Variants in IGF1R observed in about 807,000 individuals in gnomAD.
IGF1R encodes insulin like growth factor 1 receptor.
IGF1R carries 44 observed loss-of-function variants against 144.6 expected under a neutral mutation model. The observed-to-expected ratio is 0.30, with a 90% CI of 0.24 to 0.39. The LOEUF (loss-of-function observed/expected upper bound fraction) is 0.39. IGF1R is among the 10% of genes least tolerant of loss of function. The pLI is 1.00. For missense variants in IGF1R, 1,355 were observed against 1,833.7 expected (o/e 0.74, Z 4.77); for synonymous variants, 795 against 722.8 (o/e 1.10, Z -1.60).
At chr15:98,895,211 G>A (rs1221353755) in intron 3 of IGF1R, among the ~76,000 whole-genome samples, 1 of 142,388 alleles carries the variant, frequency 7.0e-6, no homozygotes, top group East Asian at 2.0e-4. Flanking sequence ...CAAGTGATCA[G>A]TGACACAGCA....
intron 2 of IGF1R, among the ~76,000 whole-genome samples, chr15:98,716,479 A>G (rs1323326606): frequency 6.6e-6 from 1 of 152,228 alleles, no homozygotes; most frequent in East Asian, 1.9e-4. Flanking sequence ...AGGAACCCCA[A>G]GTAGAAACCC....
rs1223564208 is a variant in IGF1R, at chr15:98,704,669, A to T, written c.95-2893A>T. ...CCAAGTACTGTTTTAGGCACTGGTG[A>T]TATAATTGTGAACCAACTGGAGCTG... On this transcript the variant is annotated intron_variant, in intron 1 of 20. Transcript: ENST00000650285. The surrounding 1 kb of genome is among the most constrained non-coding windows in gnomAD (Gnocchi z 4.9). Among the ~76,000 whole-genome samples, 1 of 152,168 alleles carries T rather than the reference A, an allele frequency of 6.6e-6. No homozygotes were observed. The highest frequency in any genetic ancestry group is 1.5e-5 in the Non-Finnish European group (1 of 68,040).
At chr15:98,805,285 C>T (rs1382213179) in intron 2 of IGF1R, among the ~76,000 whole-genome samples, 1 of 152,108 alleles carries the variant, frequency 6.6e-6, no homozygotes, top group Non-Finnish European at 1.5e-5. Flanking sequence ...GTCTTATTCT[C>T]CTCCCCATCC....
At chr15:98,882,013 A>T (rs1381914892) in intron 2 of IGF1R, among the ~76,000 whole-genome samples, 1 of 152,268 alleles carries the variant, frequency 6.6e-6, no homozygotes, top group Admixed American at 6.5e-5. Flanking sequence ...TCAGGTGACT[A>T]GAAGCTCAGA....
At chr15:98,873,916 G>A (rs1030670257) in intron 2 of IGF1R, 2 of 152,228 alleles carry the variant, frequency 1.3e-5, no homozygotes, top group Non-Finnish European at 2.9e-5. Context: ...AGTCTTGGAA[G>A]TAGATAATCT....
At chr15:98,712,610 C>A (rs1009609676) in intron 2 of IGF1R, among the ~76,000 whole-genome samples, 1 of 36,854 alleles carries the variant, frequency 2.7e-5, no homozygotes, top group African/African-American at 1.1e-4. Context: ...TTTCAGTATG[C>A]ACTTTTTTTT....
chr15:98,770,398 A>G lies in IGF1R; in HGVS notation c.640+62291A>G, dbSNP rs115546277. On this transcript the variant is annotated intron_variant, in intron 2 of 20. Coordinates refer to ENST00000650285, the MANE Select transcript of IGF1R (RefSeq NM_000875.5). ...AAACATTCAGTTAGATAGAGGGAAT[A>G]CATTCTAATAGGGTGACTATCGTTA... 2.6e-3 allele frequency among the ~76,000 whole-genome samples: 402 copies of G among 152,340 alleles called. 1 individual carries two copies. The highest frequency in any genetic ancestry group is 9.2e-3 in the African/African-American group (382 of 41,570).
intron 2 of IGF1R, among the ~76,000 whole-genome samples, chr15:98,857,610 T>TG (rs113341137): frequency 2.6e-5 from 4 of 152,368 alleles, no homozygotes; most frequent in African/African-American, 9.6e-5. Flanking sequence ...TCCACCATGA[T>TG]GGACTGTTCT....
intron 2 of IGF1R, among the ~76,000 whole-genome samples, chr15:98,768,923 G>A (rs1226582458): frequency 2.5e-4 from 8 of 32,380 alleles, no homozygotes; most frequent in Non-Finnish European, 2.2e-4. Context: ...GTGAGATTCC[G>A]TCTCAAAAAC....
rs2151683045 is a variant in IGF1R at position 98,916,791 on chromosome 15, G to A, written c.2116G>A (p.Glu706Lys). The A allele has an allele frequency of 6.2e-7, 1 of 1,614,130 alleles. No homozygotes were observed. The highest frequency in any genetic ancestry group is 8.5e-7 in the Non-Finnish European group (1 of 1,180,030). The change falls in exon 10 of 21, where the codon GAA (glutamate) becomes AAA (lysine). Residue 706 changes from glutamate to lysine, a missense_variant. By Grantham distance (56) the Glu-to-Lys change is moderately conservative. Coordinates refer to ENST00000650285, the MANE Select transcript of IGF1R (RefSeq NM_000875.5). ...KGPCCACPKT[E>K]AEKQAEKEEA... is the part of the protein sequence containing the mutation. Reference sequence around the variant, plus strand: ...GCCTTGCTGCGCCTGCCCCAAAACTGAAGCCGAGAAGCAGGCCGAGAAGGA... The same window carrying A: ...GCCTTGCTGCGCCTGCCCCAAAACTAAAGCCGAGAAGCAGGCCGAGAAGGA...
chr15:98,895,265 CACAG>C (rs2014135247), intron 3 of IGF1R, among the ~76,000 whole-genome samples: 1 of 130,460 alleles, frequency 7.7e-6, no homozygotes, highest in African/African-American at 2.8e-5. Flanking sequence ...CACACACACA[CACAG>C]AGTTAATTTC....
chr15:98,884,844 A>AT (rs1567177291), intron 2 of IGF1R, among the ~76,000 whole-genome samples: 3 of 151,896 alleles, frequency 2.0e-5, no homozygotes, highest in Non-Finnish European at 4.4e-5. Flanking sequence ...TTAAAATAGT[A>AT]TTTTTCCTCT....
At chr15:98,850,750 G>C (rs916881051) in intron 2 of IGF1R, among the ~76,000 whole-genome samples, 1 of 152,130 alleles carries the variant, frequency 6.6e-6, no homozygotes, top group Non-Finnish European at 1.5e-5. Context: ...CTTGGTGGGG[G>C]GGGGTACCAT....
In IGF1R at chr15:98,704,904, TGAGAG is replaced by T. The variant is rs1177736257; in HGVS notation, c.95-2652_95-2648del. 6.6e-6 allele frequency among the ~76,000 whole-genome samples: 1 copy of T among 151,890 alleles called. No homozygotes were observed. The highest frequency in any genetic ancestry group is 1.5e-5 in the Non-Finnish European group (1 of 67,964). ...GTTGCTGGACTAGATATGTGAGGTG[TGAGAG>T]GAGAGAAGAATCAGGAATGACTCTT... On this transcript the variant is annotated intron_variant, in intron 1 of 20. Transcript: ENST00000650285. This position sits in a 1 kb window ranked among gnomAD's most constrained non-coding sequence, Gnocchi z 4.9.
intron 2 of IGF1R, among the ~76,000 whole-genome samples, chr15:98,816,078 C>T (rs1289558058): frequency 4.6e-5 from 7 of 152,200 alleles, no homozygotes; most frequent in South Asian, 2.1e-4. Context: ...TTTCAGGCCA[C>T]CCCAGCCACC....
chr15:98,850,235 AGGTGGGCAT>A (rs1454609055), intron 2 of IGF1R, among the ~76,000 whole-genome samples: 1 of 152,240 alleles, frequency 6.6e-6, no homozygotes, highest in Non-Finnish European at 1.5e-5. Flanking sequence ...AGTAGCTGGC[AGGTGGGCAT>A]GGTGGTGAGG....
chr15:98,780,883 A>G (rs1027390693), intron 2 of IGF1R, among the ~76,000 whole-genome samples: 3 of 152,254 alleles, frequency 2.0e-5, no homozygotes, highest in African/African-American at 4.8e-5. Context: ...GAAAATCTAC[A>G]CAATCTTACT....
Position 98,896,959 on chromosome 15 carries a change from T to C in IGF1R, c.1102+54T>C, listed in dbSNP as rs997367342. Reference sequence around the variant, plus strand: ...GCTAGATCTCATGGTTTTCTTTTGTTGATGCTTTTCATGCTCCCGTCCCTG... The same window carrying C: ...GCTAGATCTCATGGTTTTCTTTTGTCGATGCTTTTCATGCTCCCGTCCCTG... On this transcript the variant is annotated intron_variant, in intron 4 of 20. Transcript: ENST00000650285. 11 of 1,578,504 alleles carry C rather than the reference T, an allele frequency of 7.0e-6. No homozygotes were observed. The African/African-American group carries it at 1.5e-4, about 21-fold the overall frequency.
chr15:98,700,676 T>C (rs1246443986), intron 1 of IGF1R, among the ~76,000 whole-genome samples: 1 of 151,946 alleles, frequency 6.6e-6, no homozygotes, highest in Admixed American at 6.6e-5. Flanking sequence ...TTTGTTGTTC[T>C]CCCCGCCACA....
Sources: gnomAD v4.1 joint callset for allele counts (sites outside exome capture counted in the v4.1 genomes callset) on GRCh38, gnomAD v4.1.1 for gene constraint, Gnocchi (gnomAD v3.1) non-coding constraint, MANE v1.5 for transcripts, NCBI Gene and HGNC (gene_info 2026-07-23, HGNC 2026-07-21) for gene names.